The following HAVCR1 variants were observed in gnomAD, a reference collection of about 807,000 sequenced individuals.
HAVCR1 encodes hepatitis A virus cellular receptor 1, also known as T cell immunoglobin domain and mucin domain protein 1.
HAVCR1 carries 34 observed loss-of-function variants against 32.0 expected under a neutral mutation model. That is an observed-to-expected ratio of 1.06 (90% CI 0.81 to 1.42). The LOEUF is 1.42. Ranked by LOEUF, HAVCR1 falls within the 40% of genes most tolerant of loss-of-function variation. The pLI, the probability that HAVCR1 is intolerant of heterozygous loss-of-function variation, is 0.00. For missense variants in HAVCR1, 420 were observed against 442.3 expected (o/e 0.95, Z 0.45); for synonymous variants, 178 against 170.3 (o/e 1.05, Z -0.35).
At position 157,029,738 on chromosome 5, in the gene HAVCR1, C is replaced by A. The variant is rs376920430; in HGVS notation, c.1090G>T (p.Asp364Tyr). The A allele has an allele frequency of 5.0e-6, 8 of 1,612,884 alleles. No homozygotes were observed. The highest frequency in any genetic ancestry group is 3.4e-6 in the Non-Finnish European group (4 of 1,179,834). Reference sequence around the variant, plus strand: ...TCAAAGAGCACCACTGGGTCTTAGTCCGTGGCATAAAGACTATTCTCAATG... The same window carrying A: ...TCAAAGAGCACCACTGGGTCTTAGTACGTGGCATAAAGACTATTCTCAATG... ...IYIENSLYAT[D>Y] Residue 364 changes from aspartate (D) to tyrosine (Y), a missense_variant, in exon 9 of 9, where the codon GAC becomes TAC. Transcript: ENST00000523175.
intron 3 of HAVCR1, 48 bp from the exon 4 acceptor site, chr5:157,052,702 C>A: frequency 6.6e-7 from 1 of 1,518,840 alleles, no homozygotes; most frequent in Non-Finnish European, 9.1e-7. Flanking sequence ...AAACAAGAAA[C>A]AAGAGCCTCA....
intron 7 of HAVCR1, among the ~76,000 whole-genome samples, chr5:157,034,982 C>A (rs1754442072): frequency 6.6e-6 from 1 of 151,978 alleles, no homozygotes; most frequent in South Asian, 2.1e-4. Flanking sequence ...TCTTTCTTTT[C>A]CCCCACAGAG....
intron 6 of HAVCR1, among the ~76,000 whole-genome samples, chr5:157,038,784 C>T (rs1581686567): frequency 6.6e-6 from 1 of 152,168 alleles, no homozygotes. Flanking sequence ...CACACAAATA[C>T]TGCATGCTCA....
intron 1 of HAVCR1, 38 bp from the exon 2 acceptor site, chr5:157,057,993 C>CTGGTGGAGGGTA: frequency 7.2e-7 from 1 of 1,387,854 alleles, no homozygotes. Flanking sequence ...TTGGTACCCT[C>CTGGTGGAGGGTA]CACCAGATGG....
At chr5:157,068,171 G>A in the HAVCR1 span, among the ~76,000 whole-genome samples, 1 of 152,150 alleles carries the variant, frequency 6.6e-6, no homozygotes, top group East Asian at 1.9e-4. Flanking sequence ...CTACTCAGGA[G>A]GCTGAGGCAG....
At chr5:157,055,568 C>A in intron 2 of HAVCR1, 35 bp from the exon 3 acceptor site, 1 of 1,309,396 alleles carries the variant, frequency 7.6e-7, no homozygotes, top group East Asian at 2.3e-5. Context: ...AGAATGAGCC[C>A]TCACTATTTC....
chr5:157,066,055 TA>T, the HAVCR1 span, among the ~76,000 whole-genome samples: 620 of 66,904 alleles, frequency 9.3e-3, 14 homozygotes, highest in African/African-American at 0.026. Flanking sequence ...GACTCCGTCT[TA>T]AAAAAAAAAA....
chr5:157,036,818 T>C (rs540002533), intron 7 of HAVCR1, among the ~76,000 whole-genome samples: 22 of 150,964 alleles, frequency 1.5e-4, no homozygotes, highest in African/African-American at 5.4e-4. Context: ...ATTACAGACA[T>C]GAGCCACTGC....
upstream of HAVCR1, among the ~76,000 whole-genome samples, chr5:157,062,197 G>A (rs755007159): frequency 4.6e-5 from 7 of 152,056 alleles, no homozygotes; most frequent in Admixed American, 2.0e-4. Context: ...CAAGATTAAC[G>A]GCAGTGAATT....
Position 157,052,597 on chromosome 5 carries a change from G to C in HAVCR1, c.437C>G (p.Thr146Arg). Residue 146 changes from threonine to arginine, a missense_variant, in exon 4 of 9, where the codon ACG becomes AGG. Coordinates refer to ENST00000523175, the MANE Select transcript of HAVCR1 (RefSeq NM_001173393.3). Reference protein sequence around the residue: ...TTVPTVTTVRTSTTVPTTTTV... With the variant: ...TTVPTVTTVRRSTTVPTTTTV... ...CGTTGTCGTTGGAACAGTGGTGCTC[G>C]TTCGAACAGTCGTGACGGTTGGAAC... 6.2e-7 allele frequency: 1 copy of C among 1,612,176 alleles called. No homozygotes were observed. Among genetic ancestry groups the C allele is most frequent in the Non-Finnish European group, 8.5e-7 (1 of 1,178,646 alleles).
chr5:157,057,362 A>AAGAGAGAGAG (rs140801641), intron 2 of HAVCR1, among the ~76,000 whole-genome samples: 5 of 130,006 alleles, frequency 3.8e-5, no homozygotes, highest in African/African-American at 1.7e-4. Flanking sequence ...AGACCTCATG[A>AAGAGAGAGAG]AGAGAGAGAG....
At chr5:157,061,151 A>G (rs1047361446), upstream of HAVCR1, among the ~76,000 whole-genome samples, 14 of 152,090 alleles carry the variant, frequency 9.2e-5, no homozygotes, top group African/African-American at 2.9e-4. Context: ...GCTCATCTCA[A>G]CTTCCAAAAG....
the HAVCR1 span, among the ~76,000 whole-genome samples, chr5:157,065,042 T>C: frequency 6.6e-6 from 1 of 152,046 alleles, no homozygotes; most frequent in Non-Finnish European, 1.5e-5. Context: ...TTAGAAATGG[T>C]ATTGGCTGGG....
At chr5:157,068,028 T>C in the HAVCR1 span, among the ~76,000 whole-genome samples, 19 of 151,136 alleles carry the variant, frequency 1.3e-4, no homozygotes, top group African/African-American at 4.6e-4. Context: ...TCCCAGCACT[T>C]TGGGAGGCCG....
chr5:157,045,898 GT>G (rs1347332068), intron 5 of HAVCR1, among the ~76,000 whole-genome samples: 6 of 152,126 alleles, frequency 3.9e-5, no homozygotes, highest in African/African-American at 1.4e-4. Flanking sequence ...CTTTGACCAG[GT>G]TTCACTGACA....
At chr5:157,053,737 G>T (rs1260728097) in intron 3 of HAVCR1, among the ~76,000 whole-genome samples, 1 of 151,946 alleles carries the variant, frequency 6.6e-6, no homozygotes, top group Non-Finnish European at 1.5e-5. Flanking sequence ...AGGCATGGTG[G>T]TGCGCACCTG....
At chr5:157,052,725 A>G in intron 3 of HAVCR1, 71 bp from the exon 4 acceptor site, 1 of 1,229,940 alleles carries the variant, frequency 8.1e-7, no homozygotes, top group Non-Finnish European at 1.2e-6. Context: ...CTGGAACTGT[A>G]CCCTAGCACA....
intron 7 of HAVCR1, among the ~76,000 whole-genome samples, chr5:157,036,209 TG>T (rs1388755599): frequency 2.0e-5 from 3 of 152,156 alleles, no homozygotes; most frequent in Admixed American, 6.5e-5. Context: ...CCGGGCGTGG[TG>T]GCTCATGCCT....
chr5:157,054,645 C>A (rs577597018), intron 3 of HAVCR1, among the ~76,000 whole-genome samples: 1 of 152,218 alleles, frequency 6.6e-6, no homozygotes, highest in East Asian at 1.9e-4. Context: ...ATATTTGGAC[C>A]TCCATATTTG....
Sources: gnomAD v4.1 joint callset for allele counts (sites outside exome capture counted in the v4.1 genomes callset) on GRCh38, gnomAD v4.1.1 for gene constraint, MANE v1.5 for transcripts, NCBI Gene and HGNC (gene_info 2026-07-23, HGNC 2026-07-21) for gene names.